ROBO1: variants seen among roughly 807,000 people sequenced by gnomAD.
ROBO1 encodes roundabout guidance receptor 1, also known as roundabout homolog 1.
In ROBO1, 149 loss-of-function variants were observed where a neutral mutation model predicts 195.9. The observed-to-expected ratio is 0.76, with a 90% CI of 0.67 to 0.87. The LOEUF is 0.87. ROBO1 is among the 40% of genes least tolerant of loss of function. The pLI, the probability that ROBO1 is intolerant of heterozygous loss-of-function variation, is 0.00. For synonymous variants in ROBO1, 816 were observed against 733.2 expected, an observed-to-expected ratio of 1.11 and a Z score of -1.82; for missense variants, 1,933 against 2,068.3, an observed-to-expected ratio of 0.93 and a Z score of 1.27.
At chr3:78,826,487 ATCAG>A (rs1406006675) in intron 4 of ROBO1, among the ~76,000 whole-genome samples, 3 of 152,166 alleles carry the variant, frequency 2.0e-5, no homozygotes, top group African/African-American at 7.2e-5. Context: ...GATGTTAGAG[ATCAG>A]TCAGAGAGGC....
At chr3:79,270,419 G>A (rs560318957) in intron 2 of ROBO1, among the ~76,000 whole-genome samples, 2 of 150,740 alleles carry the variant, frequency 1.3e-5, no homozygotes, top group South Asian at 2.1e-4. Flanking sequence ...TAATTTTAAC[G>A]TTAAGACAAA....
intron 1 of ROBO1, among the ~76,000 whole-genome samples, chr3:79,681,607 CT>C (rs1476146176): frequency 6.6e-6 from 1 of 151,812 alleles, no homozygotes; most frequent in Non-Finnish European, 1.5e-5. Flanking sequence ...CAAATTTGTT[CT>C]GATGATCTTG....
intron 4 of ROBO1, among the ~76,000 whole-genome samples, chr3:78,767,208 T>C: frequency 6.6e-6 from 1 of 152,108 alleles, no homozygotes; most frequent in East Asian, 1.9e-4. Flanking sequence ...AATTCTTCTT[T>C]AAATGTCTGG....
chr3:79,586,535 T>C (rs896942972), intron 2 of ROBO1, among the ~76,000 whole-genome samples: 10 of 151,930 alleles, frequency 6.6e-5, no homozygotes, highest in African/African-American at 2.2e-4. Flanking sequence ...AGATAAATCA[T>C]GCTTAACTTT....
At chr3:79,095,415 G>A (rs2079549176) in intron 3 of ROBO1, among the ~76,000 whole-genome samples, 1 of 152,016 alleles carries the variant, frequency 6.6e-6, no homozygotes, top group Admixed American at 6.6e-5. Flanking sequence ...TACTCCTGCA[G>A]TCCTATGGAG....
intron 2 of ROBO1, among the ~76,000 whole-genome samples, chr3:79,141,292 C>T (rs1025948754): frequency 3.9e-5 from 6 of 152,082 alleles, no homozygotes; most frequent in Admixed American, 3.9e-4. Flanking sequence ...AAAGGCACCT[C>T]TAAGGTTGCA....
intron 2 of ROBO1, among the ~76,000 whole-genome samples, chr3:79,241,134 T>A (rs1348367300): frequency 6.6e-6 from 1 of 152,216 alleles, no homozygotes; most frequent in Non-Finnish European, 1.5e-5. Context: ...GATCTCATTG[T>A]TTCCAAATAT....
At chr3:78,930,026 T>A (rs2039426554) in intron 4 of ROBO1, among the ~76,000 whole-genome samples, 1 of 152,142 alleles carries the variant, frequency 6.6e-6, no homozygotes, top group South Asian at 2.1e-4. Flanking sequence ...AAGAGATACT[T>A]AAATATTCCA....
chr3:78,973,726 T>A (rs2076825454), intron 3 of ROBO1, among the ~76,000 whole-genome samples: 1 of 151,454 alleles, frequency 6.6e-6, no homozygotes, highest in Admixed American at 6.6e-5. Context: ...CAGTGAGAAC[T>A]GAGGAAGTAA....
intron 2 of ROBO1, among the ~76,000 whole-genome samples, chr3:79,399,621 A>G (rs564674550): frequency 3.9e-5 from 6 of 152,312 alleles, no homozygotes; most frequent in African/African-American, 1.2e-4. Context: ...TATCTGCCAT[A>G]ATATTTTAAA....
intron 4 of ROBO1, among the ~76,000 whole-genome samples, chr3:78,855,926 C>T (rs162262): frequency 0.29 from 44,680 of 151,508 alleles, 6,722 homozygotes; most frequent in Non-Finnish European, 0.33. Context: ...AACCAGGAAA[C>T]GTTATCAGGA....
Position 78,690,289 on chromosome 3 carries a change from T to A in ROBO1, c.1046-1517A>T, listed in dbSNP as rs192570114. Among the ~76,000 whole-genome samples, 791 of 145,750 alleles carry A rather than the reference T, an allele frequency of 5.4e-3. 7 individuals carry two copies. The highest frequency in any genetic ancestry group is 0.018 in the African/African-American group (707 of 38,668). ...TTCCTTTTTCTATACTCTTTTTTTT[T>A]AAAAATTGAGGTTTAGTAGAAATTA... is the stretch of plus-strand genomic sequence containing the variant. On this transcript the variant is annotated intron_variant, in intron 8 of 30. Coordinates refer to ENST00000464233, the MANE Select transcript of ROBO1 (RefSeq NM_002941.4).
intron 2 of ROBO1, among the ~76,000 whole-genome samples, chr3:79,350,944 C>T (rs1282166401): frequency 6.6e-6 from 1 of 152,130 alleles, no homozygotes; most frequent in East Asian, 1.9e-4. Context: ...ATCCTCCCAT[C>T]TCAGCCTCCC....
At chr3:79,039,518 C>A (rs763100446) in intron 3 of ROBO1, among the ~76,000 whole-genome samples, 1 of 152,220 alleles carries the variant, frequency 6.6e-6, no homozygotes, top group Admixed American at 6.5e-5. Flanking sequence ...TGTCTTGTGG[C>A]TGAGCGCTGT....
At chr3:78,890,797 T>C (rs1446432378) in intron 4 of ROBO1, among the ~76,000 whole-genome samples, 1 of 152,198 alleles carries the variant, frequency 6.6e-6, no homozygotes, top group East Asian at 1.9e-4. Flanking sequence ...GATCTCACTA[T>C]GTCACCCAGA....
At chr3:79,126,419 T>C (rs2080216260) in intron 2 of ROBO1, among the ~76,000 whole-genome samples, 1 of 152,074 alleles carries the variant, frequency 6.6e-6, no homozygotes, top group South Asian at 2.1e-4. Context: ...AGACTCAGAG[T>C]AGCAGAGGAG....
chr3:79,244,314 A>G (rs2082580571), intron 2 of ROBO1, among the ~76,000 whole-genome samples: 1 of 152,126 alleles, frequency 6.6e-6, no homozygotes, highest in African/African-American at 2.4e-5. Flanking sequence ...CTTAATGAAT[A>G]TTATGCAATG....
Position 79,693,639 on chromosome 3 carries a change from T to G in ROBO1, c.-51+74113A>C, listed in dbSNP as rs141037608. ...TTTCACAGAAATTGAATCTCGGTAA[T>G]GTGGCCCAGGCTGGTCTCAAACTCC... is the stretch of plus-strand genomic sequence containing the variant. On this transcript the variant is annotated intron_variant, in intron 1 of 30. Coordinates refer to ENST00000464233, the MANE Select transcript of ROBO1 (RefSeq NM_002941.4). Among the ~76,000 whole-genome samples the G allele has an allele frequency of 9.3e-3, 1,407 of 151,822 alleles. 11 individuals carry two copies. The highest frequency in any genetic ancestry group is 0.034 in the Middle Eastern group (10 of 294).
At chr3:78,733,998 A>G (rs2082338313) in intron 5 of ROBO1, among the ~76,000 whole-genome samples, 3 of 152,224 alleles carry the variant, frequency 2.0e-5, no homozygotes, top group African/African-American at 4.8e-5. Context: ...TATCATTTTA[A>G]TACAGCACTT....
Sources: allele counts gnomAD v4.1 joint callset (sites outside exome capture counted in the v4.1 genomes callset), GRCh38; gene constraint gnomAD v4.1.1; transcripts MANE v1.5; gene names NCBI Gene and HGNC (gene_info 2026-07-23, HGNC 2026-07-21).